Variants in PRSS8 observed in about 807,000 individuals in gnomAD.
PRSS8 encodes prostasin.
Under a neutral mutation model 26.7 loss-of-function variants are expected in PRSS8, and 11 were observed. That is an observed-to-expected ratio of 0.41 (90% confidence interval 0.26 to 0.68). The LOEUF (loss-of-function observed/expected upper bound fraction) is 0.68, where lower values mean the gene tolerates loss of function less well. PRSS8 is among the 30% of genes least tolerant of loss of function. The pLI is 0.30. For synonymous variants in PRSS8, 183 were observed against 187.0 expected, an observed-to-expected ratio of 0.98 and a Z score of 0.17; for missense variants, 362 against 443.5, an observed-to-expected ratio of 0.82 and a Z score of 1.65.
chr16:31,135,679 G>A lies in PRSS8; in HGVS notation c.-181C>T, dbSNP rs976093463. Reference sequence around the variant, plus strand: ...GCAGGGAGCGGCCGCAACGGGAGACGCCTGGAGTATCCGAAGCGAGCAGTG... The same window carrying A: ...GCAGGGAGCGGCCGCAACGGGAGACACCTGGAGTATCCGAAGCGAGCAGTG... On this transcript the variant is annotated 5_prime_UTR_variant, in exon 1 of 6. Coordinates refer to ENST00000317508, the MANE Select transcript of PRSS8 (RefSeq NM_002773.5). 6.6e-6 allele frequency: 4 copies of A among 601,634 alleles called. No individual in the cohort carries two copies. Among genetic ancestry groups the A allele is most frequent in the African/African-American group, 3.7e-5 (2 of 53,784 alleles). The allele number at this position is 601,634 out of a possible 1,614,324, so 37.3% of individuals were successfully genotyped here. A position where few individuals can be genotyped will look rare whatever the true frequency, so the allele number is the denominator to read the frequency against.
In PRSS8 at chr16:31,135,557, G is replaced by A; in HGVS notation, c.-59C>T. The A allele has an allele frequency of 7.1e-7, 1 of 1,400,610 alleles. No individual in the cohort carries two copies. Among genetic ancestry groups the A allele is most frequent in the Non-Finnish European group, 9.6e-7 (1 of 1,045,550 alleles). The allele number at this position is 1,400,610 out of a possible 1,614,324, so 86.8% of individuals were successfully genotyped here. On this transcript the variant is annotated 5_prime_UTR_variant, in exon 1 of 6. Transcript: ENST00000317508. ...GGCACGCAAGGTAGGAAGCCTTGGG[G>A]TGGTGTCGAAGGCAGGACCCAGATG...
rs1188615467 is a variant in PRSS8, at chr16:31,131,726, T to TCCCAGGAGCTC, written c.*272_*282dup. 1.1e-4 allele frequency: 51 copies of TCCCAGGAGCTC among 449,020 alleles called. No individual in the cohort carries two copies. The highest frequency in any genetic ancestry group is 7.9e-6 in the Non-Finnish European group (2 of 252,412). The allele number at this position is 449,020 out of a possible 1,614,324, so 27.8% of individuals were successfully genotyped here. A position where few individuals can be genotyped will look rare whatever the true frequency, so the allele number is the denominator to read the frequency against. ...CAGGGCTCATTTTCATAGCCAAGGG[T>TCCCAGGAGCTC]CCCAGGAGCTCCCCAGGAGCTCGGC... On this transcript the variant is annotated 3_prime_UTR_variant, in exon 6 of 6. Coordinates refer to ENST00000317508, the MANE Select transcript of PRSS8 (RefSeq NM_002773.5).
chr16:31,135,103 C>A, intron 2 of PRSS8, 51 bp downstream of exon 2: 1 of 1,600,050 alleles, frequency 6.2e-7, no homozygotes, highest in Non-Finnish European at 8.5e-7. Flanking sequence ...CAGGGGAATC[C>A]GATCCAAGTC....
At position 31,132,339 on chromosome 16, in the gene PRSS8, A is replaced by C. The variant is rs2057584717; in HGVS notation, c.706-4T>G. 6 of 1,613,854 alleles carry C rather than the reference A, an allele frequency of 3.7e-6. No individual in the cohort carries two copies. The highest frequency in any genetic ancestry group is 5.1e-6 in the Non-Finnish European group (6 of 1,179,826). On this transcript the variant is annotated splice_region_variant and splice_polypyrimidine_tract_variant and intron_variant, in intron 5 of 5. Coordinates refer to ENST00000317508, the MANE Select transcript of PRSS8 (RefSeq NM_002773.5). This position sits in a 1 kb window ranked among gnomAD's most constrained non-coding sequence, Gnocchi z 5.2. Reference sequence around the variant, plus strand: ...AGAGTGGGCCCCCAGAGTCACCCTGAGGAGAGAAGCCACACAGCAGCCATC... The same window carrying C: ...AGAGTGGGCCCCCAGAGTCACCCTGCGGAGAGAAGCCACACAGCAGCCATC...
rs1596830256 is a variant in PRSS8 at position 31,132,970 on chromosome 16, A to G, written c.267-17T>C. 1 of 1,597,480 alleles carries G rather than the reference A, an allele frequency of 6.3e-7. No individual in the cohort carries two copies. Among genetic ancestry groups the G allele is most frequent in the East Asian group, 2.2e-5 (1 of 44,702 alleles). ...TGGTGCTCGCTGCAGGCAGGGGGCA[A>G]AGGCTGAGACCCAGGAGACCTCTCC... On this transcript the variant is annotated splice_polypyrimidine_tract_variant and intron_variant, in intron 3 of 5. Transcript: ENST00000317508. This position sits in a 1 kb window ranked among gnomAD's most constrained non-coding sequence, Gnocchi z 5.2.
chr16:31,135,324 T>G, intron 1 of PRSS8, 90 bp downstream of exon 1: 1 of 1,579,130 alleles, frequency 6.3e-7, no homozygotes, highest in Non-Finnish European at 8.7e-7. Context: ...GGGGTTTTCT[T>G]GGGCCCCAGA....
chr16:31,131,576 G>T lies in PRSS8; in HGVS notation c.*433C>A. 2.0e-6 allele frequency: 1 copy of T among 497,564 alleles called. No homozygotes were observed. The highest frequency in any genetic ancestry group is 3.4e-5 in the East Asian group (1 of 29,174). 30.8% of individuals were successfully genotyped at this position (497,564 alleles called of 1,614,324 possible). A position where few individuals can be genotyped will look rare whatever the true frequency, so the allele number is the denominator to read the frequency against. On this transcript the variant is annotated 3_prime_UTR_variant, in exon 6 of 6. Transcript: ENST00000317508. ...TCAGCGGCCAGTGGGCAAGATTGGG[G>T]CCTTTCCTGTCCTCGAAGCTGCACA... is the stretch of plus-strand genomic sequence containing the variant.
At position 31,133,132 on chromosome 16, in the gene PRSS8, A is replaced by G. The variant is rs765831542; in HGVS notation, c.266+94T>C. The G allele has an allele frequency of 6.3e-7, 1 of 1,592,956 alleles. No individual in the cohort carries two copies. Among genetic ancestry groups the G allele is most frequent in the East Asian group, 2.2e-5 (1 of 44,678 alleles). ...TGGTCCTTCCAGACTTAGAACTGAC[A>G]CTCTCAGACCCAACCCAAGAACCCC... On this transcript the variant is annotated intron_variant, in intron 3 of 5. Transcript: ENST00000317508. The surrounding 1 kb of genome is among the most constrained non-coding windows in gnomAD (Gnocchi z 4.7).
In PRSS8 at chr16:31,133,715, T is replaced by C. The variant is rs1276647700; in HGVS notation, c.104-327A>G. On this transcript the variant is annotated intron_variant, in intron 2 of 5. Coordinates refer to ENST00000317508, the MANE Select transcript of PRSS8 (RefSeq NM_002773.5). This position sits in a 1 kb window ranked among gnomAD's most constrained non-coding sequence, Gnocchi z 4.7. ...CTTAAGATACATTCCAGACAGACCATGGCACCGCCATCGGACCCAGCCGTC... is the reference window on the plus strand; with the variant it reads ...CTTAAGATACATTCCAGACAGACCACGGCACCGCCATCGGACCCAGCCGTC... Among the ~76,000 whole-genome samples the C allele has an allele frequency of 6.6e-6, 1 of 152,160 alleles. No homozygotes were observed. Among genetic ancestry groups the C allele is most frequent in the Non-Finnish European group, 1.5e-5 (1 of 68,018 alleles).
chr16:31,135,029 T>C, intron 2 of PRSS8, 125 bp downstream of exon 2: 2 of 1,243,398 alleles, frequency 1.6e-6, no homozygotes, highest in Non-Finnish European at 1.1e-6. Context: ...CCCCCCACTC[T>C]GGGAGCCCTA....
chr16:31,135,560 G>T lies in PRSS8; in HGVS notation c.-62C>A. ...ACGCAAGGTAGGAAGCCTTGGGGTG[G>T]TGTCGAAGGCAGGACCCAGATGTTG... On this transcript the variant is annotated 5_prime_UTR_variant, in exon 1 of 6. Coordinates refer to ENST00000317508, the MANE Select transcript of PRSS8 (RefSeq NM_002773.5). The T allele has an allele frequency of 7.3e-7, 1 of 1,364,168 alleles. No individual in the cohort carries two copies. Among genetic ancestry groups the T allele is most frequent in the Non-Finnish European group, 9.9e-7 (1 of 1,013,504 alleles). The allele number at this position is 1,364,168 out of a possible 1,614,324, so 84.5% of individuals were successfully genotyped here.
Position 31,132,009 on chromosome 16 carries a change from T to C in PRSS8, c.1032A>G (p.Ter344TrpextTer30). The C allele has an allele frequency of 1.9e-6, 3 of 1,559,034 alleles. No homozygotes were observed. Among genetic ancestry groups the C allele is most frequent in the Non-Finnish European group, 2.6e-6 (3 of 1,151,358 alleles). The change falls in exon 6 of 6, where the codon TGA becomes TGG. Residue 344 changes from the stop codon to tryptophan (W), a stop_lost. Transcript: ENST00000317508. This position sits in a 1 kb window ranked among gnomAD's most constrained non-coding sequence, Gnocchi z 5.2. ...CATCCATCCTGGAAGTAGGGCCAGC[T>C]CAGTGCTCGCTGAGCCATGGGGAGA... is the stretch of plus-strand genomic sequence containing the variant. The part of the protein sequence containing the change: ...GLLSPWLSEH[*>W]
At position 31,133,123 on chromosome 16, in the gene PRSS8, A is replaced by AG; in HGVS notation, c.266+102dup. On this transcript the variant is annotated intron_variant, in intron 3 of 5. Transcript: ENST00000317508. The surrounding 1 kb of genome is among the most constrained non-coding windows in gnomAD (Gnocchi z 4.7). Reference sequence around the variant, plus strand: ...ACTCCTAACTGGTCCTTCCAGACTTAGAACTGACACTCTCAGACCCAACCC... The same window carrying AG: ...ACTCCTAACTGGTCCTTCCAGACTTAGGAACTGACACTCTCAGACCCAACCC... The AG allele has an allele frequency of 6.3e-7, 1 of 1,588,342 alleles. No individual in the cohort carries two copies. Among genetic ancestry groups the AG allele is most frequent in the East Asian group, 2.2e-5 (1 of 44,630 alleles).
At chr16:31,135,291 G>A (rs2057600082) in intron 1 of PRSS8, 120 bp from the exon 2 acceptor site, 4 of 1,588,222 alleles carry the variant, frequency 2.5e-6, no homozygotes, top group Non-Finnish European at 2.6e-6. Context: ...GTGGGAAAGA[G>A]AGGCCAAGAG....
intron 2 of PRSS8, 32 bp downstream of exon 2, chr16:31,135,122 C>A (rs903432986): frequency 4.3e-6 from 7 of 1,609,430 alleles, no homozygotes; most frequent in Non-Finnish European, 5.9e-6. Context: ...TCACCTCCCC[C>A]TCCCCTCCTC....
rs73530237 is a variant in PRSS8, at chr16:31,133,940, C to T, written c.104-552G>A. ...CTGCTGGCTGAGTTGGGCATTGCCT[C>T]CGAGCCCAGCACCCCCCAACCTCCA... On this transcript the variant is annotated intron_variant, in intron 2 of 5. Transcript: ENST00000317508. The surrounding 1 kb of genome is among the most constrained non-coding windows in gnomAD (Gnocchi z 4.7). The T allele has an allele frequency of 0.031, 5,024 of 162,120 alleles. 261 individuals carry two copies. The highest frequency in any genetic ancestry group is 0.11 in the African/African-American group (4,711 of 41,678). 10.0% of individuals were successfully genotyped at this position (162,120 alleles called of 1,614,324 possible).
chr16:31,132,408 G>GC lies in PRSS8; in HGVS notation c.705+20dup, dbSNP rs1567438872. 14 of 1,613,590 alleles carry GC rather than the reference G, an allele frequency of 8.7e-6. No homozygotes were observed. The highest frequency in any genetic ancestry group is 2.7e-5 in the African/African-American group (2 of 74,898). On this transcript the variant is annotated intron_variant, in intron 5 of 5. Coordinates refer to ENST00000317508, the MANE Select transcript of PRSS8 (RefSeq NM_002773.5). This position sits in a 1 kb window ranked among gnomAD's most constrained non-coding sequence, Gnocchi z 5.2. ...CTTTCCGAAGTTGCACTGGTCATCT[G>GC]CCCCCCGGGCCTGTGCTTACCTGGC...
At position 31,133,424 on chromosome 16, in the gene PRSS8, G is replaced by C; in HGVS notation, c.104-36C>G. 6.2e-7 allele frequency: 1 copy of C among 1,610,020 alleles called. No homozygotes were observed. Among genetic ancestry groups the C allele is most frequent in the Non-Finnish European group, 8.5e-7 (1 of 1,179,170 alleles). ...AGGAAGGGAAGGGGTCAGGTTGTTA[G>C]CCTGGCCACTCCTATGCAGCCCAGG... On this transcript the variant is annotated intron_variant, in intron 2 of 5. Coordinates refer to ENST00000317508, the MANE Select transcript of PRSS8 (RefSeq NM_002773.5). This position sits in a 1 kb window ranked among gnomAD's most constrained non-coding sequence, Gnocchi z 4.7.
Position 31,135,616 on chromosome 16 carries a change from T to G in PRSS8, c.-118A>C. 1 of 907,326 alleles carries G rather than the reference T, an allele frequency of 1.1e-6. No individual in the cohort carries two copies. The highest frequency in any genetic ancestry group is 1.7e-6 in the Non-Finnish European group (1 of 605,030). 56.2% of individuals were successfully genotyped at this position (907,326 alleles called of 1,614,324 possible). A position where few individuals can be genotyped will look rare whatever the true frequency, so the allele number is the denominator to read the frequency against. ...GAGGGAAGGATCCCAGAATCCGGGC[T>G]GGAAAGGGGCAGCAAGTGTCCAAGG... is the stretch of plus-strand genomic sequence containing the variant. On this transcript the variant is annotated 5_prime_UTR_variant, in exon 1 of 6. Coordinates refer to ENST00000317508, the MANE Select transcript of PRSS8 (RefSeq NM_002773.5).
Sources: gnomAD v4.1 joint callset for allele counts (sites outside exome capture counted in the v4.1 genomes callset) on GRCh38, gnomAD v4.1.1 for gene constraint, Gnocchi (gnomAD v3.1) non-coding constraint, MANE v1.5 for transcripts, NCBI Gene and HGNC (gene_info 2026-07-23, HGNC 2026-07-21) for gene names.